Variants in ATP2A2 observed in about 807,000 individuals in gnomAD.
The protein encoded by ATP2A2 is ATPase sarcoplasmic/endoplasmic reticulum Ca2+ transporting 2, also known as sarcoplasmic/endoplasmic reticulum calcium ATPase 2.
ATP2A2 carries 14 observed loss-of-function variants against 109.3 expected under a neutral mutation model. That is an observed-to-expected ratio of 0.13 (90% CI 0.08 to 0.20). The LOEUF is 0.20. Ranked by LOEUF, ATP2A2 falls within the 10% of genes least tolerant of loss-of-function variation. The pLI is 1.00. For missense variants in ATP2A2, 657 were observed against 1,321.6 expected (o/e 0.50, Z 7.80); for synonymous variants, 506 against 490.9 (o/e 1.03, Z -0.41).
chr12:110,344,763 C>A, intron 16 of ATP2A2, 123 bp from the exon 17 acceptor site: 1 of 935,108 alleles, frequency 1.1e-6, no homozygotes, highest in Non-Finnish European at 1.7e-6. Flanking sequence ...GCACCACAGG[C>A]CCCGGTTACC....
Position 110,296,710 on chromosome 12 carries a change from G to A in ATP2A2, c.436G>A (p.Val146Ile), listed in dbSNP as rs1277120325. ...SVQRIKAKDI[V>I]PGDIVEIAVG... Reference sequence around the variant, plus strand: ...GCAGCGGATTAAAGCTAAAGACATAGTTCCTGGTGATATTGTAGAAATTGC... The same window carrying A: ...GCAGCGGATTAAAGCTAAAGACATAATTCCTGGTGATATTGTAGAAATTGC... The change falls in exon 5 of 20, where the codon GTT becomes ATT. Residue 146 changes from valine (V) to isoleucine (I), a missense_variant. Val to Ile is a conservative substitution (Grantham distance 29). Transcript: ENST00000539276. The A allele has an allele frequency of 6.2e-7, 1 of 1,613,960 alleles. No homozygotes were observed. The highest frequency in any genetic ancestry group is 2.2e-5 in the East Asian group (1 of 44,870).
chr12:110,285,290 T>C (rs1341593600), intron 3 of ATP2A2, among the ~76,000 whole-genome samples: 1 of 152,210 alleles, frequency 6.6e-6, no homozygotes, highest in Non-Finnish European at 1.5e-5. Flanking sequence ...AGAAATAAGC[T>C]TCATCTTCCA....
At chr12:110,334,412 T>G in intron 11 of ATP2A2, 1 of 477,342 alleles carries the variant, frequency 2.1e-6, no homozygotes, top group Non-Finnish European at 3.8e-6. Flanking sequence ...AACAGTGTTC[T>G]TGCTCCTAGC....
chr12:110,287,587 T>C (rs1319518471), intron 3 of ATP2A2, among the ~76,000 whole-genome samples: 1 of 152,184 alleles, frequency 6.6e-6, no homozygotes, highest in Non-Finnish European at 1.5e-5. Context: ...TTACTTTTCT[T>C]TGCTGCTGTT....
Position 110,347,682 on chromosome 12 carries a change from C to A in ATP2A2, c.*1212C>A. On this transcript the variant is annotated 3_prime_UTR_variant, in exon 20 of 20. Transcript: ENST00000539276. Reference sequence around the variant, plus strand: ...GCACTAACCACCACCACCGTTACTACGATCAATGTTTGCGCATGTTCGAGA... The same window carrying A: ...GCACTAACCACCACCACCGTTACTAAGATCAATGTTTGCGCATGTTCGAGA... 2 of 1,169,568 alleles carry A rather than the reference C, an allele frequency of 1.7e-6. No individual in the cohort carries two copies. The highest frequency in any genetic ancestry group is 2.1e-6 in the Non-Finnish European group (2 of 931,592). The allele number at this position is 1,169,568 out of a possible 1,614,324, so 72.4% of individuals were successfully genotyped here. A position where few individuals can be genotyped will look rare whatever the true frequency, so the allele number is the denominator to read the frequency against.
At position 110,340,241 on chromosome 12, in the gene ATP2A2, GA is replaced by G. The variant is rs1879219336; in HGVS notation, c.1762-414del. On this transcript the variant is annotated intron_variant, in intron 13 of 19. Transcript: ENST00000539276. The surrounding 1 kb of genome is among the most constrained non-coding windows in gnomAD (Gnocchi z 6.0). ...GTAGTGGTATTTTTTTTTCTCATAAGAAAATGCAAAAACCGCCAGGCACGGT... is the reference window on the plus strand; with the variant it reads ...GTAGTGGTATTTTTTTTTCTCATAAGAAATGCAAAAACCGCCAGGCACGGT... Among the ~76,000 whole-genome samples the G allele has an allele frequency of 6.6e-6, 1 of 151,756 alleles. No homozygotes were observed. The highest frequency in any genetic ancestry group is 1.5e-5 in the Non-Finnish European group (1 of 67,924).
rs1182164216 is a variant in ATP2A2 at position 110,326,475 on chromosome 12, T to C, written c.630T>C (p.Ser210=). 2 of 1,608,604 alleles carry C rather than the reference T, an allele frequency of 1.2e-6. No individual in the cohort carries two copies. The highest frequency in any genetic ancestry group is 3.3e-4 in the Middle Eastern group (2 of 6,074). The part of the protein sequence containing the change: ...VNQDKKNMLF[S]GTNIAAGKAM... ...AAGATAAAAAGAACATGCTGTTTTCTGTAAGTACTTTATGAAATGTGTTTT... is the reference window on the plus strand; with the variant it reads ...AAGATAAAAAGAACATGCTGTTTTCCGTAAGTACTTTATGAAATGTGTTTT... Residue 210 remains serine (S), a splice_region_variant and synonymous_variant, in exon 7 of 20, where the codon TCT becomes TCC. Transcript: ENST00000539276.
chr12:110,318,782 G>GT (rs906798676), intron 5 of ATP2A2, among the ~76,000 whole-genome samples: 22 of 152,134 alleles, frequency 1.4e-4, no homozygotes, highest in African/African-American at 4.3e-4. Flanking sequence ...TCTATGGCAG[G>GT]TTTTTTGGAT....
At chr12:110,333,946 A>T (rs1878585878) in intron 10 of ATP2A2, 66 bp from the exon 11 acceptor site, 4 of 1,603,784 alleles carry the variant, frequency 2.5e-6, no homozygotes, top group Non-Finnish European at 3.4e-6. Flanking sequence ...GAAAAAAAAT[A>T]TTAAAGATAA....
At chr12:110,319,068 G>A (rs1275873717) in intron 5 of ATP2A2, among the ~76,000 whole-genome samples, 1 of 151,744 alleles carries the variant, frequency 6.6e-6, no homozygotes, top group Non-Finnish European at 1.5e-5. Context: ...AATTAACCTG[G>A]TGCAATGGCA....
In ATP2A2 at chr12:110,340,760, C is replaced by T. The variant is rs762841024; in HGVS notation, c.1863C>T (p.Ile621=). 2 of 1,614,180 alleles carry T rather than the reference C, an allele frequency of 1.2e-6. No homozygotes were observed. Among genetic ancestry groups the T allele is most frequent in the South Asian group, 2.2e-5 (2 of 91,072 alleles). The stretch of plus-strand genomic sequence containing the variant: ...GCCGGCAAGCAGGCATCCGGGTCAT[C>T]ATGATCACTGGGGACAACAAGGGCA... ...KLCRQAGIRV[I]MITGDNKGTA... The change falls in exon 14 of 20, where the codon ATC becomes ATT. Residue 621 remains isoleucine (I), a synonymous_variant. Coordinates refer to ENST00000539276, the MANE Select transcript of ATP2A2 (RefSeq NM_170665.4). This position sits in a 1 kb window ranked among gnomAD's most constrained non-coding sequence, Gnocchi z 6.0.
At chr12:110,311,073 A>T (rs961986323) in intron 5 of ATP2A2, among the ~76,000 whole-genome samples, 2 of 152,184 alleles carry the variant, frequency 1.3e-5, no homozygotes, top group Non-Finnish European at 2.9e-5. Context: ...TTTAGATAGT[A>T]TGGCCATGAG....
At chr12:110,291,994 A>T (rs777966076) in intron 3 of ATP2A2, 26 bp from the exon 4 acceptor site, 1 of 1,594,246 alleles carries the variant, frequency 6.3e-7, no homozygotes, top group Non-Finnish European at 8.6e-7. Flanking sequence ...AAAAAGACAC[A>T]TTCTAACGTG....
chr12:110,283,308 C>T (rs2137675611), intron 3 of ATP2A2, among the ~76,000 whole-genome samples: 1 of 152,184 alleles, frequency 6.6e-6, no homozygotes, highest in East Asian at 1.9e-4. Context: ...TGGTCACTGA[C>T]CTTTAGGGTG....
intron 8 of ATP2A2, 55 bp from the exon 9 acceptor site, chr12:110,332,542 T>C: frequency 7.1e-7 from 1 of 1,400,836 alleles, no homozygotes; most frequent in Non-Finnish European, 1.0e-6. Flanking sequence ...AGTTTATTTG[T>C]GTAGCATTTT....
chr12:110,282,042 C>A, intron 1 of ATP2A2, 135 bp downstream of exon 1: 1 of 616,394 alleles, frequency 1.6e-6, no homozygotes, highest in Non-Finnish European at 2.6e-6. Flanking sequence ...GGCCAGCGCG[C>A]CGGCCCCGCG....
chr12:110,305,529 C>G (rs533758149), intron 5 of ATP2A2, among the ~76,000 whole-genome samples: 1 of 152,330 alleles, frequency 6.6e-6, no homozygotes, highest in South Asian at 2.1e-4. Flanking sequence ...CTAATTTGTC[C>G]TGCAACCTTT....
intron 5 of ATP2A2, among the ~76,000 whole-genome samples, chr12:110,309,006 A>T (rs1047816082): frequency 6.6e-6 from 1 of 152,122 alleles, no homozygotes; most frequent in African/African-American, 2.4e-5. Flanking sequence ...TGTAAGGGTC[A>T]TCTCCTGACT....
chr12:110,330,053 T>C (rs1878191980), intron 8 of ATP2A2: 1 of 152,234 alleles, frequency 6.6e-6, no homozygotes, highest in Admixed American at 6.5e-5. Flanking sequence ...TCATATAACA[T>C]GAGCATTTAT....
Sources: gnomAD v4.1 joint callset for allele counts (sites outside exome capture counted in the v4.1 genomes callset) on GRCh38, gnomAD v4.1.1 for gene constraint, Gnocchi (gnomAD v3.1) non-coding constraint, MANE v1.5 for transcripts, NCBI Gene and HGNC (gene_info 2026-07-23, HGNC 2026-07-21) for gene names.